Variants in LMBR1 observed in about 807,000 individuals in gnomAD.
LMBR1 encodes the protein limb region 1 protein homolog.
A neutral mutation model predicts 73.9 loss-of-function variants in LMBR1; 52 were observed. The observed-to-expected ratio is 0.70, with a 90% CI of 0.56 to 0.89. LMBR1 has a LOEUF of 0.89. Ranked by LOEUF, LMBR1 falls within the 40% of genes least tolerant of loss-of-function variation. The pLI is 0.00. For missense variants in LMBR1, 539 were observed against 579.8 expected (o/e 0.93, Z 0.72); for synonymous variants, 215 against 209.4 (o/e 1.03, Z -0.23).
chr7:156,794,931 T>G (rs1049446047), intron 5 of LMBR1, among the ~76,000 whole-genome samples: 2 of 152,156 alleles, frequency 1.3e-5, no homozygotes, highest in African/African-American at 4.8e-5. Flanking sequence ...TATACTCAAG[T>G]GGTAGATGAA....
At chr7:156,892,751 G>GAGGGA (rs1222408470) in intron 1 of LMBR1, among the ~76,000 whole-genome samples, 177 bp downstream of exon 1, 1 of 128,730 alleles carries the variant, frequency 7.8e-6, no homozygotes, top group Non-Finnish European at 1.7e-5. Flanking sequence ...GAGAGGTGGG[G>GAGGGA]AGGGAAGGGG....
intron 4 of LMBR1, among the ~76,000 whole-genome samples, chr7:156,817,128 C>T (rs1483051715): frequency 6.6e-6 from 1 of 152,030 alleles, no homozygotes. Flanking sequence ...ACTGAATTTC[C>T]AGATCACCAT....
chr7:156,751,274 C>T (rs774205515), intron 9 of LMBR1, among the ~76,000 whole-genome samples: 13 of 151,992 alleles, frequency 8.6e-5, no homozygotes, highest in Non-Finnish European at 1.8e-4. Flanking sequence ...GTGATACAAT[C>T]GATATCCACA....
intron 5 of LMBR1, among the ~76,000 whole-genome samples, chr7:156,790,622 G>A (rs1359698762): frequency 1.3e-5 from 2 of 151,840 alleles, no homozygotes; most frequent in African/African-American, 2.4e-5. Context: ...GAAACTGAGT[G>A]ATGTTTTTAA....
At position 156,683,513 on chromosome 7, in the gene LMBR1, C is replaced by T. The variant is rs1388370823; in HGVS notation, c.*565G>A. The stretch of plus-strand genomic sequence containing the variant: ...ATCAGTATCATTCTATAACATAAAT[C>T]AGAAACTACGCTTTTTGCTTTTAAG... On this transcript the variant is annotated 3_prime_UTR_variant, in exon 17 of 17. Transcript: ENST00000353442. 6.6e-6 allele frequency: 1 copy of T among 152,582 alleles called. No homozygotes were observed. Among genetic ancestry groups the T allele is most frequent in the Non-Finnish European group, 1.5e-5 (1 of 68,058 alleles). 9.5% of individuals were successfully genotyped at this position (152,582 alleles called of 1,614,324 possible). A position where few individuals can be genotyped will look rare whatever the true frequency, so the allele number is the denominator to read the frequency against.
intron 1 of LMBR1, among the ~76,000 whole-genome samples, chr7:156,840,506 G>A (rs2133962592): frequency 6.6e-6 from 1 of 152,116 alleles, no homozygotes; most frequent in African/African-American, 2.4e-5. Context: ...TAAGAGACAA[G>A]GTCAGAAAAT....
intron 1 of LMBR1, among the ~76,000 whole-genome samples, chr7:156,847,648 C>T (rs2110486): frequency 8.0e-5 from 12 of 150,624 alleles, no homozygotes; most frequent in Admixed American, 1.3e-4. Flanking sequence ...AGTGAAGATA[C>T]GCAGATAGCA....
At chr7:156,751,738 G>A (rs970690629) in intron 9 of LMBR1, among the ~76,000 whole-genome samples, 2 of 152,194 alleles carry the variant, frequency 1.3e-5, no homozygotes, top group Admixed American at 6.5e-5. Context: ...GAGACTCCAA[G>A]GATTTGGCCT....
At chr7:156,763,451 A>C (rs985321830) in intron 6 of LMBR1, among the ~76,000 whole-genome samples, 13 of 152,216 alleles carry the variant, frequency 8.5e-5, no homozygotes, top group Middle Eastern at 3.4e-3. Flanking sequence ...AAACAAAAAA[A>C]AAAAATCTGA....
At chr7:156,833,127 T>C (rs1836983189) in intron 3 of LMBR1, among the ~76,000 whole-genome samples, 1 of 152,216 alleles carries the variant, frequency 6.6e-6, no homozygotes, top group African/African-American at 2.4e-5. Context: ...AAACTTTGTG[T>C]TCTACTTCCA....
At chr7:156,790,476 T>C (rs533380148) in intron 5 of LMBR1, among the ~76,000 whole-genome samples, 2 of 152,162 alleles carry the variant, frequency 1.3e-5, no homozygotes, top group African/African-American at 4.8e-5. Flanking sequence ...AAAGTTCACA[T>C]TTTTTGCCAC....
At chr7:156,802,650 A>C (rs1221910472) in intron 4 of LMBR1, among the ~76,000 whole-genome samples, 1 of 152,170 alleles carries the variant, frequency 6.6e-6, no homozygotes, top group African/African-American at 2.4e-5. Flanking sequence ...TGGAGTATAT[A>C]ATTTGATAAG....
chr7:156,717,225 T>C (rs574382226), intron 15 of LMBR1, among the ~76,000 whole-genome samples: 3 of 152,322 alleles, frequency 2.0e-5, no homozygotes, highest in East Asian at 3.9e-4. Context: ...GGTGGAAGCA[T>C]TTACCATACG....
intron 15 of LMBR1, among the ~76,000 whole-genome samples, chr7:156,705,350 G>A (rs1810691266): frequency 6.6e-6 from 1 of 152,174 alleles, no homozygotes; most frequent in Admixed American, 6.5e-5. Context: ...TTGAGCCCAG[G>A]AGTTCGAGAC....
intron 9 of LMBR1, among the ~76,000 whole-genome samples, chr7:156,753,260 T>C (rs959395893): frequency 6.6e-6 from 1 of 151,402 alleles, no homozygotes; most frequent in Non-Finnish European, 1.5e-5. Context: ...AGAGAAGGAT[T>C]AGAAACGAGG....
chr7:156,729,440 T>C (rs1816417412), intron 10 of LMBR1, among the ~76,000 whole-genome samples: 1 of 151,288 alleles, frequency 6.6e-6, no homozygotes, highest in African/African-American at 2.4e-5. Flanking sequence ...TATATCTGAA[T>C]GAATAAAGTT....
intron 4 of LMBR1, among the ~76,000 whole-genome samples, chr7:156,812,693 C>T (rs1252525175): frequency 2.0e-5 from 3 of 152,202 alleles, no homozygotes; most frequent in Non-Finnish European, 2.9e-5. Context: ...AAACAGAACA[C>T]CAGTTTAGTA....
downstream of LMBR1, chr7:156,675,829 T>C: frequency 6.2e-7 from 1 of 1,613,972 alleles, no homozygotes; most frequent in Non-Finnish European, 8.5e-7. Context: ...GGCCATGAGA[T>C]CACAGAAGAG....
intron 15 of LMBR1, among the ~76,000 whole-genome samples, chr7:156,697,148 C>A (rs1808456530): frequency 1.3e-5 from 2 of 152,078 alleles, no homozygotes; most frequent in South Asian, 4.1e-4. Context: ...AGCCTCAAAA[C>A]CAGCAAGTTT....
Sources: allele counts gnomAD v4.1 joint callset (sites outside exome capture counted in the v4.1 genomes callset), GRCh38; gene constraint gnomAD v4.1.1; transcripts MANE v1.5; gene names NCBI Gene and HGNC (gene_info 2026-07-23, HGNC 2026-07-21).